DGKB: variants seen among roughly 807,000 people sequenced by gnomAD.
DGKB encodes 90 kDa diacylglycerol kinase.
A neutral mutation model predicts 114.3 loss-of-function variants in DGKB; 67 were observed. That is an observed-to-expected ratio of 0.59 (90% confidence interval 0.48 to 0.72). DGKB has a LOEUF of 0.72. Among genes scored for constraint, DGKB ranks in the 30% least tolerant of loss-of-function variants. DGKB has a pLI of 0.00. For synonymous variants in DGKB, 398 were observed against 323.1 expected, an observed-to-expected ratio of 1.23 and a Z score of -2.49; for missense variants, 907 against 975.2, an observed-to-expected ratio of 0.93 and a Z score of 0.93.
At chr7:14,683,374 C>A (rs1486428998) in intron 10 of DGKB, among the ~76,000 whole-genome samples, 2 of 152,122 alleles carry the variant, frequency 1.3e-5, no homozygotes, top group Non-Finnish European at 2.9e-5. Context: ...CCTTCACTTG[C>A]CATCATGGCA....
chr7:14,592,623 C>T (rs1489040068), intron 17 of DGKB, among the ~76,000 whole-genome samples: 1 of 151,836 alleles, frequency 6.6e-6, no homozygotes, highest in Non-Finnish European at 1.5e-5. Flanking sequence ...CAAACTGTAT[C>T]TGTACATACC....
intron 2 of DGKB, among the ~76,000 whole-genome samples, chr7:14,786,445 T>C (rs996672222): frequency 2.6e-5 from 4 of 152,190 alleles, no homozygotes; most frequent in African/African-American, 9.6e-5. Context: ...CTGTGGCCCA[T>C]CTGGAGTGGC....
chr7:14,392,104 C>T (rs966210109), intron 21 of DGKB, among the ~76,000 whole-genome samples: 1 of 152,082 alleles, frequency 6.6e-6, no homozygotes, highest in African/African-American at 2.4e-5. Context: ...CCTGACAATA[C>T]CAAAATGTAT....
At chr7:14,196,150 G>GT (rs1259121012) in intron 23 of DGKB, among the ~76,000 whole-genome samples, 5 of 152,048 alleles carry the variant, frequency 3.3e-5, no homozygotes, top group African/African-American at 7.2e-5. Flanking sequence ...AACAGTGTGT[G>GT]TATTTAAGGA....
intron 20 of DGKB, among the ~76,000 whole-genome samples, chr7:14,566,868 T>G (rs1208150393): frequency 2.6e-5 from 4 of 151,844 alleles, no homozygotes; most frequent in East Asian, 1.9e-4. Context: ...TCTTCAGATC[T>G]CTTCTTAAAT....
At chr7:14,293,778 C>T (rs1276827233) in intron 23 of DGKB, among the ~76,000 whole-genome samples, 1 of 152,110 alleles carries the variant, frequency 6.6e-6, no homozygotes, top group Non-Finnish European at 1.5e-5. Context: ...AGTTTGAAAC[C>T]CTCCAATGGC....
At chr7:14,821,768 T>C (rs1168151714) in intron 2 of DGKB, among the ~76,000 whole-genome samples, 2 of 152,134 alleles carry the variant, frequency 1.3e-5, no homozygotes, top group East Asian at 3.9e-4. Flanking sequence ...AAGGAATTTA[T>C]TGGCCTCTCT....
rs1314530695 is a variant in DGKB at position 14,345,368 on chromosome 7, A to C, written c.1859T>G (p.Phe620Cys). The change falls in exon 22 of 26, where the codon TTT becomes TGT. Residue 620 changes from phenylalanine (F) to cysteine (C), a missense_variant. By Grantham distance (205) the Phe-to-Cys change is radical. Around this residue, in one of 3 missense-constraint regions of DGKB, gnomAD observed 814 missense variants for 856.6 expected, o/e 0.95. Transcript: ENST00000402815. ...GAAAGTTTCAGATGTGCCAAACTCAAAATACCAAAATTTGTTCTTCATTCT... is the reference window on the plus strand; with the variant it reads ...GAAAGTTTCAGATGTGCCAAACTCACAATACCAAAATTTGTTCTTCATTCT... ...NSRMKNKFWYFEFGTSETFSA... is the reference protein window; with the variant it reads ...NSRMKNKFWYCEFGTSETFSA... 6.5e-7 allele frequency: 1 copy of C among 1,542,490 alleles called. No homozygotes were observed.
intron 2 of DGKB, among the ~76,000 whole-genome samples, chr7:14,759,762 G>C (rs950106184): frequency 6.6e-6 from 1 of 152,000 alleles, no homozygotes; most frequent in Non-Finnish European, 1.5e-5. Context: ...CAATTCTCTT[G>C]GCTATATACC....
chr7:14,314,353 A>T (rs1186933234), intron 23 of DGKB, among the ~76,000 whole-genome samples: 2 of 151,794 alleles, frequency 1.3e-5, no homozygotes, highest in Admixed American at 6.6e-5. Context: ...GAGGACATTC[A>T]AACCAAAGGC....
At chr7:14,313,632 C>T (rs1490349793) in intron 23 of DGKB, among the ~76,000 whole-genome samples, 14 of 152,078 alleles carry the variant, frequency 9.2e-5, no homozygotes, top group Admixed American at 3.3e-4. Context: ...GAGGGTCCTA[C>T]GCCCACGGAG....
chr7:14,806,794 C>A (rs916836886), intron 2 of DGKB, among the ~76,000 whole-genome samples: 7 of 151,594 alleles, frequency 4.6e-5, no homozygotes, highest in African/African-American at 1.7e-4. Flanking sequence ...TGCTGCTATT[C>A]TCAGATCATT....
rs564273099 is a variant in DGKB, at chr7:14,400,588, CT to C, written c.1836-55198del. Among the ~76,000 whole-genome samples the C allele has an allele frequency of 1.8e-4, 28 of 151,608 alleles. No individual in the cohort carries two copies. The East Asian group carries it at 4.1e-3, about 22-fold the overall frequency. On this transcript the variant is annotated intron_variant, in intron 21 of 25. Coordinates refer to ENST00000402815, the MANE Select transcript of DGKB (RefSeq NM_001350709.2). ...TCCTGCTTTTCAGCGTACATTCAAA[CT>C]TTTTTTTATTTCCAGTATTTAATGG...
chr7:14,187,871 T>A lies in DGKB; in HGVS notation c.2123-9720A>T, dbSNP rs2128263338. Among the ~76,000 whole-genome samples, 2 of 151,932 alleles carry A rather than the reference T, an allele frequency of 1.3e-5. 1 individual carries two copies. The highest frequency in any genetic ancestry group is 4.2e-4 in the South Asian group (2 of 4,814). The stretch of plus-strand genomic sequence containing the variant: ...TCCCAAAAAGGACATTCATATAATA[T>A]CTGAAAAATAAATTCAAAATTATGA... On this transcript the variant is annotated intron_variant, in intron 23 of 25. Transcript: ENST00000402815.
rs1781342618 is a variant in DGKB, at chr7:14,145,080, G to A, written c.*4051C>T. The stretch of plus-strand genomic sequence containing the variant: ...GTTAACGTTTTTATTTCAAAAAACA[G>A]GATATTGTATATATCATTTCTGAGA... On this transcript the variant is annotated 3_prime_UTR_variant, in exon 26 of 26. Transcript: ENST00000402815. The A allele has an allele frequency of 6.6e-6, 1 of 152,072 alleles. No individual in the cohort carries two copies. Among genetic ancestry groups the A allele is most frequent in the Non-Finnish European group, 1.5e-5 (1 of 68,006 alleles). 9.4% of individuals were successfully genotyped at this position (152,072 alleles called of 1,614,324 possible). A position where few individuals can be genotyped will look rare whatever the true frequency, so the allele number is the denominator to read the frequency against.
intron 23 of DGKB, among the ~76,000 whole-genome samples, chr7:14,223,475 T>C (rs1790308899): frequency 6.6e-6 from 1 of 151,780 alleles, no homozygotes; most frequent in South Asian, 2.1e-4. Context: ...GTTACTTTCC[T>C]ACATTATTAC....
At chr7:14,637,532 G>C (rs901773415) in intron 13 of DGKB, among the ~76,000 whole-genome samples, 1 of 151,048 alleles carries the variant, frequency 6.6e-6, no homozygotes, top group African/African-American at 2.4e-5. Flanking sequence ...ATATATATGT[G>C]TGTATATATA....
intron 21 of DGKB, among the ~76,000 whole-genome samples, chr7:14,443,988 T>C (rs1830415306): frequency 6.6e-6 from 1 of 151,900 alleles, no homozygotes; most frequent in Non-Finnish European, 1.5e-5. Context: ...TTTTACTCTA[T>C]CTTCTGTTTC....
chr7:14,289,785 A>G (rs1252122198), intron 23 of DGKB, among the ~76,000 whole-genome samples: 1 of 150,940 alleles, frequency 6.6e-6, no homozygotes, highest in Non-Finnish European at 1.5e-5. Context: ...AATGAAAGCA[A>G]TTCTATGGGG....
Sources: allele counts gnomAD v4.1 joint callset (sites outside exome capture counted in the v4.1 genomes callset), GRCh38; gene constraint gnomAD v4.1.1; regional missense constraint gnomAD v4.1.1; transcripts MANE v1.5; gene names NCBI Gene and HGNC (gene_info 2026-07-23, HGNC 2026-07-21).